PTPA: variants seen among roughly 807,000 people sequenced by gnomAD.
PTPA encodes the protein serine/threonine-protein phosphatase 2A activator.
Under a neutral mutation model 43.6 loss-of-function variants are expected in PTPA, and 13 were observed. The observed-to-expected ratio is 0.30, with a 90% confidence interval of 0.19 to 0.47. PTPA has a LOEUF of 0.47. Ranked by LOEUF, PTPA falls within the 20% of genes least tolerant of loss-of-function variation. The pLI is 0.99. For synonymous variants in PTPA, 172 were observed against 158.2 expected (o/e 1.09, Z -0.66); for missense variants, 329 against 411.9 (o/e 0.80, Z 1.74).
At chr9:129,121,220 G>A (rs888240704) in intron 2 of PTPA, among the ~76,000 whole-genome samples, 8 of 152,216 alleles carry the variant, frequency 5.3e-5, no homozygotes, top group South Asian at 4.1e-4. Flanking sequence ...CCCAGTTCTC[G>A]TCAGGCTCCT....
intron 1 of PTPA, among the ~76,000 whole-genome samples, chr9:129,113,575 C>A (rs1439711709): frequency 6.6e-6 from 1 of 151,786 alleles, no homozygotes; most frequent in East Asian, 2.0e-4. Flanking sequence ...TCGAGACCAG[C>A]CATGGCCAAC....
At chr9:129,138,109 G>A (rs1016739592) in intron 8 of PTPA, 7 of 251,746 alleles carry the variant, frequency 2.8e-5, no homozygotes, top group Non-Finnish European at 5.5e-5. Context: ...GAGATGGAGC[G>A]AACTTCTGGT....
chr9:129,116,333 C>T (rs1395248286), intron 1 of PTPA, among the ~76,000 whole-genome samples: 5 of 141,892 alleles, frequency 3.5e-5, no homozygotes, highest in African/African-American at 1.0e-4. Flanking sequence ...TACAGGCATG[C>T]GTCACCTCGC....
At chr9:129,136,898 C>T (rs1172674909) in intron 7 of PTPA, among the ~76,000 whole-genome samples, 2 of 152,178 alleles carry the variant, frequency 1.3e-5, no homozygotes, top group Non-Finnish European at 2.9e-5. Context: ...GAAATGCGCC[C>T]CAGCTCCTGG....
At chr9:129,112,301 CG>C (rs1268783059) in intron 1 of PTPA, among the ~76,000 whole-genome samples, 41 of 152,180 alleles carry the variant, frequency 2.7e-4, no homozygotes, top group Admixed American at 2.7e-3. Context: ...GGAGGTGCTA[CG>C]GAAGGATCTT....
intron 5 of PTPA, among the ~76,000 whole-genome samples, chr9:129,132,706 C>T (rs1040622170): frequency 4.8e-4 from 73 of 152,232 alleles, no homozygotes; most frequent in African/African-American, 1.6e-3. Context: ...TGGTCTCGAA[C>T]TCCTGACCTC....
chr9:129,127,182 T>A (rs1849635811), intron 3 of PTPA, among the ~76,000 whole-genome samples: 1 of 152,192 alleles, frequency 6.6e-6, no homozygotes, highest in African/African-American at 2.4e-5. Context: ...AGGCTACTTT[T>A]TCTGTCCTCC....
At chr9:129,146,428 C>T (rs562419675) in intron 9 of PTPA, among the ~76,000 whole-genome samples, 13 of 152,330 alleles carry the variant, frequency 8.5e-5, no homozygotes, top group South Asian at 4.1e-4. Flanking sequence ...TCATAGCACC[C>T]GTTTGTCTCT....
chr9:129,144,216 T>C (rs891438158), intron 9 of PTPA, among the ~76,000 whole-genome samples: 12 of 151,350 alleles, frequency 7.9e-5, no homozygotes, highest in African/African-American at 2.7e-4. Flanking sequence ...ATGGTGATGG[T>C]GTGGCAGGAA....
intron 3 of PTPA, among the ~76,000 whole-genome samples, chr9:129,126,416 G>T (rs1849583529): frequency 6.6e-6 from 1 of 151,984 alleles, no homozygotes; most frequent in Non-Finnish European, 1.5e-5. Flanking sequence ...CCGAACTCAG[G>T]TGATCTGCCC....
intron 1 of PTPA, among the ~76,000 whole-genome samples, chr9:129,118,084 G>T: frequency 6.9e-6 from 1 of 144,294 alleles, no homozygotes; most frequent in South Asian, 2.2e-4. Flanking sequence ...ATGGAGTCTT[G>T]CTCTGTCAAC....
At chr9:129,141,553 T>G (rs1422019269) in intron 8 of PTPA, 5 of 152,236 alleles carry the variant, frequency 3.3e-5, no homozygotes, top group Admixed American at 3.3e-4. Flanking sequence ...GGACTTGCGG[T>G]GTCAGGGGGA....
At chr9:129,124,780 C>CCA (rs1849471598) in intron 3 of PTPA, among the ~76,000 whole-genome samples, 1 of 152,262 alleles carries the variant, frequency 6.6e-6, no homozygotes, top group Non-Finnish European at 1.5e-5. Flanking sequence ...AGCTCTCTAG[C>CCA]CACAGCCTTG....
intron 5 of PTPA, among the ~76,000 whole-genome samples, chr9:129,133,075 G>T (rs1211878915): frequency 6.6e-6 from 1 of 152,236 alleles, no homozygotes; most frequent in Non-Finnish European, 1.5e-5. Flanking sequence ...GAGCCACCAT[G>T]CTGAGACCCC....
intron 8 of PTPA, chr9:129,139,725 C>CA (rs1351800687): frequency 6.6e-6 from 1 of 152,178 alleles, no homozygotes; most frequent in Non-Finnish European, 1.5e-5. Context: ...GGGAAGGAGG[C>CA]AGTGTTTCCT....
intron 2 of PTPA, among the ~76,000 whole-genome samples, chr9:129,122,210 C>T (rs901696148): frequency 6.6e-6 from 1 of 152,076 alleles, no homozygotes. Context: ...TCAAGCAGTC[C>T]TCCCACCTCA....
chr9:129,138,524 C>T (rs1027659331), intron 8 of PTPA, among the ~76,000 whole-genome samples: 4 of 152,174 alleles, frequency 2.6e-5, no homozygotes, highest in Admixed American at 6.5e-5. Context: ...CTGCCATCCC[C>T]ATGCCCCAGT....
rs1053929470 is a variant in PTPA at position 129,142,566 on chromosome 9, G to T, written c.894+14G>T. ...TATAAGGCCGAGGTGAGTGGGGGCT[G>T]GCCAGTGTGCCCGTCCCTGCTGCCG... On this transcript the variant is annotated intron_variant, in intron 9 of 9. Coordinates refer to ENST00000393370, the MANE Select transcript of PTPA (RefSeq NM_178000.3). 3.7e-6 allele frequency: 6 copies of T among 1,613,882 alleles called. No individual in the cohort carries two copies. Among genetic ancestry groups the T allele is most frequent in the Non-Finnish European group, 5.1e-6 (6 of 1,179,934 alleles).
intron 8 of PTPA, chr9:129,140,277 T>C (rs1010432355): frequency 6.6e-6 from 1 of 152,642 alleles, no homozygotes; most frequent in Non-Finnish European, 1.5e-5. Flanking sequence ...AATGAGCTAA[T>C]TTTTTCTTTG....
Sources: gnomAD v4.1 joint callset for allele counts (sites outside exome capture counted in the v4.1 genomes callset) on GRCh38, gnomAD v4.1.1 for gene constraint, MANE v1.5 for transcripts, NCBI Gene and HGNC (gene_info 2026-07-23, HGNC 2026-07-21) for gene names.